The following POLR2B variants were observed in gnomAD, a reference collection of about 807,000 sequenced individuals.
POLR2B encodes DNA-directed RNA polymerase II subunit RPB2.
A neutral mutation model predicts 144.6 loss-of-function variants in POLR2B; 57 were observed. The ratio of observed to expected loss-of-function variants is 0.39; its 90% CI spans 0.32 to 0.49. POLR2B has a LOEUF of 0.49. Among genes scored for constraint, POLR2B ranks in the 20% least tolerant of loss-of-function variants. The pLI, the probability that POLR2B is intolerant of heterozygous loss-of-function variation, is 0.83. For synonymous variants in POLR2B, 442 were observed against 469.8 expected (o/e 0.94, Z 0.77); for missense variants, 595 against 1,467.4 (o/e 0.41, Z 9.71).
At chr4:56,996,286 T>A (rs1299244476) in intron 6 of POLR2B, among the ~76,000 whole-genome samples, 21 of 122,596 alleles carry the variant, frequency 1.7e-4, no homozygotes, top group East Asian at 2.3e-4. Context: ...ATATTTTTTT[T>A]TTTTTTTTTT....
chr4:57,028,995 A>T (rs1723820410), intron 23 of POLR2B, among the ~76,000 whole-genome samples: 2 of 152,124 alleles, frequency 1.3e-5, no homozygotes, highest in African/African-American at 4.8e-5. Flanking sequence ...TTGTTTGTTG[A>T]ACAACCTGGA....
intron 18 of POLR2B, among the ~76,000 whole-genome samples, chr4:57,022,555 C>T (rs1019551618): frequency 6.6e-6 from 1 of 152,156 alleles, no homozygotes; most frequent in African/African-American, 2.4e-5. Context: ...TCACACCTGT[C>T]CCCCTTCCTT....
chr4:56,996,828 G>A (rs1021241090), intron 6 of POLR2B, among the ~76,000 whole-genome samples: 11 of 151,886 alleles, frequency 7.2e-5, no homozygotes, highest in African/African-American at 2.7e-4. Context: ...GCTCATGCCT[G>A]TAATCCCAGC....
chr4:57,025,655 A>G (rs2109720897), intron 23 of POLR2B, 118 bp downstream of exon 23: 3 of 623,806 alleles, frequency 4.8e-6, no homozygotes, highest in East Asian at 2.8e-5. Flanking sequence ...CCCCATTTCA[A>G]CAATTATCGA....
At chr4:57,015,165 G>C (rs1723326947) in intron 13 of POLR2B, among the ~76,000 whole-genome samples, 1 of 152,160 alleles carries the variant, frequency 6.6e-6, no homozygotes, top group South Asian at 2.1e-4. Flanking sequence ...GTTACAGGGT[G>C]AGATATATGT....
intron 17 of POLR2B, 46 bp downstream of exon 17, chr4:57,021,041 C>G (rs1305535899): frequency 1.2e-5 from 12 of 1,029,652 alleles, no homozygotes; most frequent in Non-Finnish European, 1.8e-5. Flanking sequence ...AGTGGAAACA[C>G]TAATTTTTTA....
At chr4:57,026,768 A>G (rs915252826) in intron 23 of POLR2B, among the ~76,000 whole-genome samples, 29 of 151,942 alleles carry the variant, frequency 1.9e-4, no homozygotes, top group Non-Finnish European at 4.0e-4. Flanking sequence ...CTCGATAACA[A>G]AACAAAACAA....
intron 13 of POLR2B, among the ~76,000 whole-genome samples, chr4:57,014,504 CTTT>C (rs773847681): frequency 1.5e-5 from 1 of 66,634 alleles, no homozygotes; most frequent in Non-Finnish European, 3.1e-5. Flanking sequence ...CTTTTTTTTT[CTTT>C]TTTTTTTTTT....
In POLR2B at chr4:56,995,268, G is replaced by A. The variant is rs1722644269; in HGVS notation, c.594G>A (p.Glu198=). The part of the protein sequence containing the change: ...NGSEKVLIAQ[E]KMATNTVYVF... ...CCAAATAGGTTCTGATTGCCCAAGA[G>A]AAAATGGCAACAAACACAGTTTATG... The change falls in exon 6 of 25, where the codon GAG becomes GAA. Residue 198 remains glutamate, a synonymous_variant. Transcript: ENST00000314595. 13 of 1,607,510 alleles carry A rather than the reference G, an allele frequency of 8.1e-6. No individual in the cohort carries two copies. The highest frequency in any genetic ancestry group is 1.1e-5 in the South Asian group (1 of 90,662).
chr4:57,021,163 C>T (rs1423425249), intron 17 of POLR2B, among the ~76,000 whole-genome samples, 168 bp downstream of exon 17: 1 of 150,452 alleles, frequency 6.6e-6, no homozygotes, highest in African/African-American at 2.4e-5. Flanking sequence ...TCAGGATTTT[C>T]AAATGCTAGT....
chr4:57,010,818 CA>C lies in POLR2B; in HGVS notation c.1621del (p.Ile541PhefsTer5). 1 of 1,608,864 alleles carries C rather than the reference CA, an allele frequency of 6.2e-7. No individual in the cohort carries two copies. On this transcript the variant is annotated frameshift_variant, in exon 12 of 25. Transcript: ENST00000314595. LOFTEE classifies it high-confidence loss of function. ...AYISVGSQPSPILEFLEEWSM... is the reference protein window; with the variant it reads ...AYISVGSQPSXILEFLEEWSM... ...ATTTCAGTTGGATCTCAACCATCTC[CA>C]ATTCTGGAATTTTTAGAAGAATGGA...
chr4:57,023,984 T>C lies in POLR2B; in HGVS notation c.2857-21T>C, dbSNP rs752830059. 2.9e-6 allele frequency: 4 copies of C among 1,385,904 alleles called. No individual in the cohort carries two copies. In the Admixed American group the frequency reaches 6.6e-5, roughly 23 times the overall value. 85.9% of individuals were successfully genotyped at this position (1,385,904 alleles called of 1,614,324 possible). ...TTTAGTATATGTATCTTTGAGTCCC[T>C]TTTAAAATTTTTCTTTGTAGGATAT... On this transcript the variant is annotated intron_variant, in intron 20 of 24. Coordinates refer to ENST00000314595, the MANE Select transcript of POLR2B (RefSeq NM_000938.3). This position sits in a 1 kb window ranked among gnomAD's most constrained non-coding sequence, Gnocchi z 4.3.
Position 57,006,872 on chromosome 4 carries a change from G to A in POLR2B, c.1274G>A (p.Arg425Gln), listed in dbSNP as rs768464675. ...ATCTATGCACAGAAATTTATTGATCGAGGAAAGGATTTTAACTTGGAGTTG... is the reference window on the plus strand; with the variant it reads ...ATCTATGCACAGAAATTTATTGATCAAGGAAAGGATTTTAACTTGGAGTTG... ...VRIYAQKFID[R>Q]GKDFNLELAI... The change falls in exon 10 of 25, where the codon CGA (arginine) becomes CAA (glutamine). Residue 425 changes from arginine to glutamine, a missense_variant. Transcript: ENST00000314595. 4 of 1,613,480 alleles carry A rather than the reference G, an allele frequency of 2.5e-6. No homozygotes were observed. Among genetic ancestry groups the A allele is most frequent in the Middle Eastern group, 1.6e-4 (1 of 6,062 alleles).
intron 1 of POLR2B, among the ~76,000 whole-genome samples, chr4:56,982,226 T>G (rs561922327): frequency 6.6e-6 from 1 of 152,166 alleles, no homozygotes; most frequent in South Asian, 2.1e-4. Context: ...TTTCTTTTGC[T>G]ATTCCCCTCC....
intron 6 of POLR2B, among the ~76,000 whole-genome samples, chr4:56,998,825 A>G (rs924858374): frequency 6.6e-6 from 1 of 152,210 alleles, no homozygotes; most frequent in African/African-American, 2.4e-5. Flanking sequence ...GGTGTCATAT[A>G]TGAAAAGTTG....
chr4:57,007,400 A>C (rs1723055766), intron 10 of POLR2B, among the ~76,000 whole-genome samples: 1 of 152,016 alleles, frequency 6.6e-6, no homozygotes, highest in Non-Finnish European at 1.5e-5. Flanking sequence ...GGGCAAAAAG[A>C]GTGAGACTCC....
intron 23 of POLR2B, among the ~76,000 whole-genome samples, chr4:57,025,777 C>T (rs903874635): frequency 1.3e-5 from 2 of 152,000 alleles, no homozygotes; most frequent in African/African-American, 4.8e-5. Flanking sequence ...CAGTGGCATG[C>T]CCACAGCTCC....
At chr4:56,998,890 A>T (rs1722769137) in intron 6 of POLR2B, among the ~76,000 whole-genome samples, 2 of 152,166 alleles carry the variant, frequency 1.3e-5, no homozygotes, top group South Asian at 4.1e-4. Flanking sequence ...TGGTGGGAGG[A>T]GGAAGATGAC....
At position 56,994,658 on chromosome 4, in the gene POLR2B, C is replaced by T. The variant is rs1722622462; in HGVS notation, c.368C>T (p.Pro123Leu). 1.9e-6 allele frequency: 3 copies of T among 1,606,366 alleles called. No individual in the cohort carries two copies. Among genetic ancestry groups the T allele is most frequent in the Non-Finnish European group, 2.6e-6 (3 of 1,173,222 alleles). ...ARLRNLTYSA[P>L]LYVDITKTVI... ...TTTTATTTTCAAAGGTATTCTGCTC[C>T]GCTTTATGTTGATATAACAAAAACA... The change falls in exon 5 of 25, where the codon CCG (proline) becomes CTG (leucine). Residue 123 changes from proline to leucine, a missense_variant. This residue lies in a region of POLR2B where 251 missense variants were observed against 567.3 expected (regional missense o/e 0.44). Transcript: ENST00000314595.
Sources: gnomAD v4.1 joint callset for allele counts (sites outside exome capture counted in the v4.1 genomes callset) on GRCh38, gnomAD v4.1.1 for gene constraint, gnomAD v4.1.1 regional missense constraint, Gnocchi (gnomAD v3.1) non-coding constraint, MANE v1.5 for transcripts, NCBI Gene and HGNC (gene_info 2026-07-23, HGNC 2026-07-21) for gene names.